ZNF385D: variants seen among roughly 807,000 people sequenced by gnomAD.
ZNF385D encodes zinc finger protein 659.
A neutral mutation model predicts 35.8 loss-of-function variants in ZNF385D; 15 were observed. The observed-to-expected ratio is 0.42, with a 90% confidence interval of 0.28 to 0.64. The LOEUF (loss-of-function observed/expected upper bound fraction) is 0.64. ZNF385D is among the 30% of genes least tolerant of loss of function. The pLI is 0.23. For missense variants in ZNF385D, 474 were observed against 494.6 expected (o/e 0.96, Z 0.39); for synonymous variants, 212 against 186.8 (o/e 1.13, Z -1.10).
At chr3:21,795,116 A>G (rs2072092177) in intron 3 of ZNF385D, among the ~76,000 whole-genome samples, 1 of 152,228 alleles carries the variant, frequency 6.6e-6, no homozygotes, top group Non-Finnish European at 1.5e-5. Context: ...TGCTTAAGTT[A>G]GAGTGTTCCA....
At chr3:22,167,524 A>G (rs1706414344) in intron 3 of ZNF385D, among the ~76,000 whole-genome samples, 1 of 152,176 alleles carries the variant, frequency 6.6e-6, no homozygotes, top group Non-Finnish European at 1.5e-5. Context: ...ACATGTGACA[A>G]GGGCTCAGGA....
At chr3:22,142,958 C>A (rs554482625) in intron 3 of ZNF385D, among the ~76,000 whole-genome samples, 1 of 152,048 alleles carries the variant, frequency 6.6e-6, no homozygotes, top group South Asian at 2.1e-4. Context: ...TCCTTTTTCA[C>A]TGCCCGTAAG....
chr3:22,050,343 C>T (rs561060217), intron 3 of ZNF385D, among the ~76,000 whole-genome samples: 1 of 151,956 alleles, frequency 6.6e-6, no homozygotes, highest in South Asian at 2.1e-4. Flanking sequence ...GCCTGAGTGA[C>T]AGAGCAAGAC....
At chr3:21,982,943 C>T (rs1221719345) in intron 3 of ZNF385D, among the ~76,000 whole-genome samples, 1 of 151,912 alleles carries the variant, frequency 6.6e-6, no homozygotes, top group African/African-American at 2.4e-5. Context: ...ATGAAGCCTA[C>T]TTGATCATAG....
At chr3:22,292,628 C>A (rs1470090274) in intron 2 of ZNF385D, among the ~76,000 whole-genome samples, 1 of 152,032 alleles carries the variant, frequency 6.6e-6, no homozygotes, top group Non-Finnish European at 1.5e-5. Flanking sequence ...ATTTAAAGAT[C>A]TACAGACTTC....
chr3:22,096,625 C>T (rs1216061066), intron 3 of ZNF385D, among the ~76,000 whole-genome samples: 1 of 151,960 alleles, frequency 6.6e-6, no homozygotes, highest in Non-Finnish European at 1.5e-5. Context: ...TTAAAGGCAC[C>T]TATAGTTTGC....
intron 3 of ZNF385D, among the ~76,000 whole-genome samples, chr3:21,777,299 A>G (rs562191694): frequency 2.0e-5 from 3 of 151,922 alleles, no homozygotes; most frequent in Non-Finnish European, 4.4e-5. Context: ...TTACCTTTTA[A>G]AAAAATAAAT....
intron 2 of ZNF385D, among the ~76,000 whole-genome samples, chr3:22,241,128 T>C (rs1254908236): frequency 2.0e-5 from 3 of 151,178 alleles, no homozygotes; most frequent in Non-Finnish European, 4.4e-5. Flanking sequence ...CAATAAATTA[T>C]CCTTATTGTA....
chr3:22,070,194 G>C (rs1457464137), intron 3 of ZNF385D, among the ~76,000 whole-genome samples: 1 of 152,050 alleles, frequency 6.6e-6, no homozygotes, highest in East Asian at 1.9e-4. Flanking sequence ...CTCACATGTT[G>C]TAATTTAAAT....
chr3:21,887,869 A>G (rs1374716168), intron 3 of ZNF385D, among the ~76,000 whole-genome samples: 1 of 152,130 alleles, frequency 6.6e-6, no homozygotes, highest in African/African-American at 2.4e-5. Context: ...TGATAGAATG[A>G]GTTAAAATAC....
chr3:21,449,134 A>G (rs1020269223), intron 4 of ZNF385D, among the ~76,000 whole-genome samples: 3 of 152,092 alleles, frequency 2.0e-5, no homozygotes, highest in African/African-American at 4.8e-5. Flanking sequence ...TCAATTTTTA[A>G]TTCAATACTT....
At chr3:21,958,538 A>T (rs1307740199) in intron 3 of ZNF385D, among the ~76,000 whole-genome samples, 1 of 152,120 alleles carries the variant, frequency 6.6e-6, no homozygotes, top group African/African-American at 2.4e-5. Context: ...TATCACTCTT[A>T]TTTGTAACTG....
intron 3 of ZNF385D, among the ~76,000 whole-genome samples, chr3:22,098,232 A>T (rs1701736157): frequency 2.0e-5 from 3 of 152,090 alleles, no homozygotes; most frequent in African/African-American, 7.2e-5. Flanking sequence ...GGACAAAAAT[A>T]TGTATCCATA....
rs116704471 is a variant in ZNF385D at position 21,828,130 on chromosome 3, A to G, written c.326-163102T>C. Among the ~76,000 whole-genome samples, 600 of 152,350 alleles carry G rather than the reference A, an allele frequency of 3.9e-3. 2 individuals carry two copies. The highest frequency in any genetic ancestry group is 0.014 in the African/African-American group (578 of 41,578). On this transcript the variant is annotated intron_variant, in intron 3 of 5. Coordinates refer to the ZNF385D transcript ENST00000494108. ...ACCATGAATTAACAAAATGTATTTT[A>G]TGGAAGAACAAATCCACGCAGACTA...
At position 21,419,649 on chromosome 3, in the gene ZNF385D, G is replaced by A. The variant is rs539132083; in HGVS notation, c.*1565C>T. ...CTCTTATTAATGCAACAGACTGGCTGCATCAAACCCCACCATTTTGATAGG... is the reference window on the plus strand; with the variant it reads ...CTCTTATTAATGCAACAGACTGGCTACATCAAACCCCACCATTTTGATAGG... On this transcript the variant is annotated 3_prime_UTR_variant, in exon 8 of 8. Transcript: ENST00000281523. 5.9e-5 allele frequency: 9 copies of A among 152,130 alleles called. No individual in the cohort carries two copies. The South Asian group carries it at 1.9e-3, about 32-fold the overall frequency. The allele number at this position is 152,130 out of a possible 1,614,324, so 9.4% of individuals were successfully genotyped here.
chr3:22,310,408 A>C (rs1004398759), intron 2 of ZNF385D, among the ~76,000 whole-genome samples: 1 of 151,978 alleles, frequency 6.6e-6, no homozygotes, highest in African/African-American at 2.4e-5. Flanking sequence ...ATCTCTGATA[A>C]CATAATTTAA....
chr3:22,212,267 G>A (rs1197730332), intron 2 of ZNF385D, among the ~76,000 whole-genome samples: 2 of 151,992 alleles, frequency 1.3e-5, no homozygotes, highest in Non-Finnish European at 2.9e-5. Flanking sequence ...CACAGTTTCT[G>A]CTGTACCCAT....
chr3:21,864,179 T>C (rs983981657), intron 3 of ZNF385D, among the ~76,000 whole-genome samples: 26 of 152,136 alleles, frequency 1.7e-4, no homozygotes, highest in African/African-American at 6.3e-4. Flanking sequence ...GTCCTTTTGT[T>C]GCCATTTTAA....
intron 3 of ZNF385D, among the ~76,000 whole-genome samples, chr3:22,023,660 C>CTTT (rs113753465): frequency 1.9e-4 from 28 of 148,488 alleles, no homozygotes; most frequent in Admixed American, 8.1e-4. Context: ...CAAAGCAATG[C>CTTT]TTTTTTTTTT....
Sources: allele counts gnomAD v4.1 joint callset (sites outside exome capture counted in the v4.1 genomes callset), GRCh38; gene constraint gnomAD v4.1.1; transcripts MANE v1.5; gene names NCBI Gene and HGNC (gene_info 2026-07-23, HGNC 2026-07-21).